NSL1: variants seen among roughly 807,000 people sequenced by gnomAD.
NSL1 encodes the protein NSL1 component of MIS12 kinetochore complex.
Under a neutral mutation model 25.4 loss-of-function variants are expected in NSL1, and 11 were observed. The observed-to-expected ratio is 0.43, with a 90% confidence interval of 0.27 to 0.72. NSL1 has a LOEUF of 0.72. Among genes scored for constraint, NSL1 ranks in the 30% least tolerant of loss-of-function variants. The probability of loss-of-function intolerance (pLI) is 0.19; values close to 1 mark genes in which losing one functional copy is unlikely to be tolerated. For synonymous variants in NSL1, 118 were observed against 120.6 expected, an observed-to-expected ratio of 0.98 and a Z score of 0.14; for missense variants, 330 against 342.7, an observed-to-expected ratio of 0.96 and a Z score of 0.29.
rs929378923 is a variant in NSL1 at position 212,734,914 on chromosome 1, T to C, written c.*3494A>G. On this transcript the variant is annotated 3_prime_UTR_variant, in exon 6 of 6. Transcript: ENST00000366977. ...GAAGGCAACACTTGTCCTGAGTGTT[T>C]TCATTTCCTTTATCAAAAGAAGTAA... is the stretch of plus-strand genomic sequence containing the variant. Among the ~76,000 whole-genome samples, 1 of 152,228 alleles carries C rather than the reference T, an allele frequency of 6.6e-6. No homozygotes were observed. Among genetic ancestry groups the C allele is most frequent in the South Asian group, 2.1e-4 (1 of 4,830 alleles).
At chr1:212,774,329 A>G (rs947467179) in intron 4 of NSL1, among the ~76,000 whole-genome samples, 2 of 152,216 alleles carry the variant, frequency 1.3e-5, no homozygotes, top group African/African-American at 4.8e-5. Context: ...CACATTGTAT[A>G]TATGTATCAA....
At chr1:212,771,691 C>T (rs796451858) in intron 4 of NSL1, among the ~76,000 whole-genome samples, 15 of 142,132 alleles carry the variant, frequency 1.1e-4, no homozygotes, top group African/African-American at 3.3e-4. Flanking sequence ...ACACAAAAAT[C>T]AGTAGTGTTT....
At chr1:212,790,379 TA>T (rs946318276) in intron 1 of NSL1, among the ~76,000 whole-genome samples, 1 of 151,824 alleles carries the variant, frequency 6.6e-6, no homozygotes, top group African/African-American at 2.4e-5. Context: ...TAAAATAGGT[TA>T]AAAAAAATTG....
Position 212,727,160 on chromosome 1 carries a change from T to TAG in NSL1, c.*11246_*11247dup, listed in dbSNP as rs764386110. 1,411 of 1,574,212 alleles carry TAG rather than the reference T, an allele frequency of 9.0e-4. 16 individuals carry two copies. Among genetic ancestry groups the TAG allele is most frequent in the Middle Eastern group, 6.7e-4 (4 of 5,932 alleles). Reference sequence around the variant, plus strand: ...TTCTCTCCTAAACTGCCCCTAGAGCTAGTCCACCAGGCTTGGCTCCTAATG... The same window carrying TAG: ...TTCTCTCCTAAACTGCCCCTAGAGCTAGAGTCCACCAGGCTTGGCTCCTAATG... On this transcript the variant is annotated 3_prime_UTR_variant, in exon 6 of 6. Coordinates refer to ENST00000366977, the MANE Select transcript of NSL1 (RefSeq NM_015471.4).
At chr1:212,762,596 G>A (rs1201523750) in intron 4 of NSL1, among the ~76,000 whole-genome samples, 1 of 152,152 alleles carries the variant, frequency 6.6e-6, no homozygotes, top group African/African-American at 2.4e-5. Flanking sequence ...CAGCAGGCTG[G>A]AGCCTACTGC....
rs534957266 is a variant in NSL1 at position 212,728,624 on chromosome 1, G to A, written c.*9784C>T. Reference sequence around the variant, plus strand: ...GAAAAAAATGGTTTCTGAGAATTCTGAGGCTCTGATCTGATGAGTGAAGGG... The same window carrying A: ...GAAAAAAATGGTTTCTGAGAATTCTAAGGCTCTGATCTGATGAGTGAAGGG... On this transcript the variant is annotated 3_prime_UTR_variant, in exon 6 of 6. Coordinates refer to ENST00000366977, the MANE Select transcript of NSL1 (RefSeq NM_015471.4). 1.0e-6 allele frequency: 1 copy of A among 985,460 alleles called. No homozygotes were observed. Among genetic ancestry groups the A allele is most frequent in the African/African-American group, 1.7e-5 (1 of 57,362 alleles). 61.0% of individuals were successfully genotyped at this position (985,460 alleles called of 1,614,324 possible). A position where few individuals can be genotyped will look rare whatever the true frequency, so the allele number is the denominator to read the frequency against.
At position 212,726,826 on chromosome 1, in the gene NSL1, G is replaced by A. The variant is rs544020329; in HGVS notation, c.*11582C>T. On this transcript the variant is annotated 3_prime_UTR_variant, in exon 6 of 6. Coordinates refer to ENST00000366977, the MANE Select transcript of NSL1 (RefSeq NM_015471.4). ...CCTCCCACAATCCTCCATGTGGCAC[G>A]TGGGGATCTCCAAATGACTTCTGTG... 1.9e-4 allele frequency: 55 copies of A among 283,884 alleles called. 1 individual carries two copies. Among genetic ancestry groups the A allele is most frequent in the Middle Eastern group, 1.0e-3 (1 of 980 alleles). The allele number at this position is 283,884 out of a possible 1,614,324, so 17.6% of individuals were successfully genotyped here.
rs984315131 is a variant in NSL1, at chr1:212,729,476, G to A, written c.*8932C>T. 19 of 985,272 alleles carry A rather than the reference G, an allele frequency of 1.9e-5. No homozygotes were observed. The African/African-American group carries it at 3.3e-4, about 17-fold the overall frequency. The allele number at this position is 985,272 out of a possible 1,614,324, so 61.0% of individuals were successfully genotyped here. On this transcript the variant is annotated 3_prime_UTR_variant, in exon 6 of 6. Transcript: ENST00000366977. The stretch of plus-strand genomic sequence containing the variant: ...TACAATATTGTCTGGCACATGGCTG[G>A]GAAAGATCCTGAGGCTCTGGAGCTG...
intron 4 of NSL1, among the ~76,000 whole-genome samples, chr1:212,779,490 C>A (rs1251441802): frequency 7.9e-6 from 1 of 127,070 alleles, no homozygotes; most frequent in Non-Finnish European, 1.7e-5. Flanking sequence ...GGCCAGCCGC[C>A]CCGTCCGGGA....
intron 1 of NSL1, among the ~76,000 whole-genome samples, chr1:212,789,274 C>CA (rs1475571439): frequency 6.6e-6 from 1 of 152,072 alleles, no homozygotes; most frequent in African/African-American, 2.4e-5. Context: ...TGCAATGGCG[C>CA]AATCTTGGCT....
chr1:212,751,671 T>A (rs1408996924), intron 4 of NSL1, among the ~76,000 whole-genome samples: 1 of 151,634 alleles, frequency 6.6e-6, no homozygotes, highest in Admixed American at 6.6e-5. Flanking sequence ...ATTAAGTCCT[T>A]TACATTTAAA....
At chr1:212,787,260 T>C (rs1660986672) in intron 2 of NSL1, among the ~76,000 whole-genome samples, 1 of 152,226 alleles carries the variant, frequency 6.6e-6, no homozygotes, top group East Asian at 1.9e-4. Context: ...TTCACACTTT[T>C]AAGGGTACTT....
intron 4 of NSL1, among the ~76,000 whole-genome samples, chr1:212,763,219 G>A (rs1449292587): frequency 2.6e-5 from 4 of 152,174 alleles, no homozygotes; most frequent in Non-Finnish European, 4.4e-5. Flanking sequence ...TGCAGCAGAT[G>A]CAGTTAACTA....
At chr1:212,763,402 CAACT>C (rs1450801498) in intron 4 of NSL1, among the ~76,000 whole-genome samples, 1 of 151,790 alleles carries the variant, frequency 6.6e-6, no homozygotes, top group Non-Finnish European at 1.5e-5. Context: ...ATCTAAGTAA[CAACT>C]AACATGATGA....
Position 212,734,731 on chromosome 1 carries a change from T to C in NSL1, c.*3677A>G, listed in dbSNP as rs1007409733. On this transcript the variant is annotated 3_prime_UTR_variant, in exon 6 of 6. Transcript: ENST00000366977. ...TATTCCTGTATTCCTTCCCTGATTA[T>C]TTGCCTAAAACATTCAAGACTGCTC... 2.0e-5 allele frequency among the ~76,000 whole-genome samples: 3 copies of C among 152,210 alleles called. No individual in the cohort carries two copies. Among genetic ancestry groups the C allele is most frequent in the Non-Finnish European group, 1.5e-5 (1 of 68,044 alleles).
rs374115284 is a variant in NSL1 at position 212,760,403 on chromosome 1, A to G, written c.500-20802T>C. On this transcript the variant is annotated intron_variant, in intron 4 of 5. Coordinates refer to ENST00000366977, the MANE Select transcript of NSL1 (RefSeq NM_015471.4). The surrounding 1 kb of genome is among the most constrained non-coding windows in gnomAD (Gnocchi z 4.3). ...GGCAGGTGCACACACTCAGCCATCA[A>G]GGGGCCTGATAACAGGCCCAGCCAA... Among the ~76,000 whole-genome samples the G allele has an allele frequency of 1.2e-4, 18 of 152,172 alleles. No homozygotes were observed. In the East Asian group the frequency reaches 2.7e-3, roughly 23 times the overall value.
chr1:212,737,623 G>GT lies in NSL1; in HGVS notation c.*784dup. 1 of 944,490 alleles carries GT rather than the reference G, an allele frequency of 1.1e-6. No homozygotes were observed. The highest frequency in any genetic ancestry group is 1.3e-6 in the Non-Finnish European group (1 of 792,570). The allele number at this position is 944,490 out of a possible 1,614,324, so 58.5% of individuals were successfully genotyped here. On this transcript the variant is annotated 3_prime_UTR_variant, in exon 6 of 6. Transcript: ENST00000366977. ...AATAACACAATGACACTTTGCCAGT[G>GT]TATTAATCTGATATATATTTTGAAC...
At chr1:212,765,118 C>A (rs1659746018) in intron 4 of NSL1, among the ~76,000 whole-genome samples, 1 of 151,906 alleles carries the variant, frequency 6.6e-6, no homozygotes, top group Non-Finnish European at 1.5e-5. Flanking sequence ...AAAAAAAGTC[C>A]AGGACCAGGT....
chr1:212,735,824 C>T lies in NSL1; in HGVS notation c.*2584G>A. On this transcript the variant is annotated 3_prime_UTR_variant, in exon 6 of 6. Transcript: ENST00000366977. ...GGTGGTCATCTACAAGTCGGGAAGA[C>T]AGCCCTCACCAGAAACTGCATTTGC... 2.2e-6 allele frequency: 1 copy of T among 450,520 alleles called. No individual in the cohort carries two copies. The highest frequency in any genetic ancestry group is 2.9e-6 in the Non-Finnish European group (1 of 340,940). The allele number at this position is 450,520 out of a possible 1,614,324, so 27.9% of individuals were successfully genotyped here. A position where few individuals can be genotyped will look rare whatever the true frequency, so the allele number is the denominator to read the frequency against.
Sources: gnomAD v4.1 joint callset for allele counts (sites outside exome capture counted in the v4.1 genomes callset) on GRCh38, gnomAD v4.1.1 for gene constraint, Gnocchi (gnomAD v3.1) non-coding constraint, MANE v1.5 for transcripts, NCBI Gene and HGNC (gene_info 2026-07-23, HGNC 2026-07-21) for gene names.